The following POFUT2 variants were observed in gnomAD, a reference collection of about 807,000 sequenced individuals.
The protein encoded by POFUT2 is protein O-fucosyltransferase 2.
In POFUT2, 30 loss-of-function variants were observed where a neutral mutation model predicts 55.0. That is an observed-to-expected ratio of 0.55 (90% confidence interval 0.41 to 0.74). POFUT2 has a LOEUF of 0.74. POFUT2 is among the 30% of genes least tolerant of loss of function. The pLI is 0.00. For missense variants in POFUT2, 524 were observed against 562.6 expected (o/e 0.93, Z 0.69); for synonymous variants, 267 against 231.1 (o/e 1.16, Z -1.41).
intron 6 of POFUT2, among the ~76,000 whole-genome samples, chr21:45,276,260 G>T (rs187941114): frequency 0.011 from 1,706 of 150,532 alleles, 34 homozygotes; most frequent in African/African-American, 0.038. Flanking sequence ...AAAAAACACT[G>T]AAAAGAAACA....
chr21:45,266,952 C>T (rs762114190), intron 8 of POFUT2: 97 of 1,025,906 alleles, frequency 9.5e-5, no homozygotes, highest in Non-Finnish European at 1.1e-4. Context: ...GAACAGAGGC[C>T]CAGGCGTACC....
intron 6 of POFUT2, among the ~76,000 whole-genome samples, chr21:45,276,440 A>C (rs1167300675): frequency 1.3e-5 from 2 of 152,230 alleles, no homozygotes; most frequent in Non-Finnish European, 2.9e-5. Context: ...TTTTGTTTAA[A>C]AAACGCTAAA....
chr21:45,283,677 C>CAG, intron 2 of POFUT2, 150 bp from the exon 3 acceptor site: 1 of 799,980 alleles, frequency 1.3e-6, no homozygotes, highest in South Asian at 1.6e-5. Context: ...AGAGACAGGG[C>CAG]AGAGCACATG....
In POFUT2 at chr21:45,270,631, C is replaced by T. The variant is rs2093210733; in HGVS notation, c.832-612G>A. On this transcript the variant is annotated intron_variant, in intron 6 of 8. Transcript: ENST00000349485. The surrounding 1 kb of genome is among the most constrained non-coding windows in gnomAD (Gnocchi z 4.6). ...CACTCAACAAAACTACAACCAAGGA[C>T]CCCCCCAGAGTCCACTTCACTCCCC... 6.6e-6 allele frequency among the ~76,000 whole-genome samples: 1 copy of T among 152,046 alleles called. No individual in the cohort carries two copies. The highest frequency in any genetic ancestry group is 6.6e-5 in the Admixed American group (1 of 15,266).
rs558911530 is a variant in POFUT2 at position 45,277,953 on chromosome 21, C to T, written c.705+150G>A. The T allele has an allele frequency of 5.4e-6, 4 of 745,946 alleles. No homozygotes were observed. Among genetic ancestry groups the T allele is most frequent in the East Asian group, 2.5e-5 (1 of 40,254 alleles). The allele number at this position is 745,946 out of a possible 1,614,324, so 46.2% of individuals were successfully genotyped here. The stretch of plus-strand genomic sequence containing the variant: ...AGCCACGTGAGGCTTGGGGGTGGCA[C>T]AGTCACCGCAGTTGCCCAAATCCAT... On this transcript the variant is annotated intron_variant, in intron 5 of 8. Coordinates refer to ENST00000349485, the MANE Select transcript of POFUT2 (RefSeq NM_133635.6). The surrounding 1 kb of genome is among the most constrained non-coding windows in gnomAD (Gnocchi z 6.9).
Position 45,278,162 on chromosome 21 carries a change from T to G in POFUT2, c.646A>C (p.Met216Leu). Residue 216 changes from methionine to leucine, a missense_variant, in exon 5 of 9, where the codon ATG becomes CTG. By Grantham distance (15) the Met-to-Leu change is conservative. This residue lies in a region of POFUT2 where 250 missense variants were observed against 318.2 expected (regional missense o/e 0.79). Transcript: ENST00000349485. ...AGTAGGTTCTCGGCTCTGTCTAACA[T>G]CACGGACCTGTTTTTAAACAACAGA... ...LLRNTSARSV[M>L]LDRAENLLHD... The G allele has an allele frequency of 6.2e-7, 1 of 1,612,188 alleles. No individual in the cohort carries two copies. The highest frequency in any genetic ancestry group is 8.5e-7 in the Non-Finnish European group (1 of 1,178,338).
chr21:45,268,648 T>A (rs1235923815), intron 7 of POFUT2, among the ~76,000 whole-genome samples: 3 of 144,142 alleles, frequency 2.1e-5, no homozygotes, highest in East Asian at 2.2e-4. Context: ...CCATCTGGGA[T>A]GTGAGGAGCG....
intron 6 of POFUT2, among the ~76,000 whole-genome samples, chr21:45,275,100 CA>C (rs2093251032): frequency 6.6e-6 from 1 of 152,090 alleles, no homozygotes; most frequent in African/African-American, 2.4e-5. Context: ...ATAATCCCAT[CA>C]AAACATAGGC....
rs1350490445 is a variant in POFUT2 at position 45,268,878 on chromosome 21, G to A, written c.1012+961C>T. Among the ~76,000 whole-genome samples, 5 of 98,532 alleles carry A rather than the reference G, an allele frequency of 5.1e-5. 1 individual carries two copies. Among genetic ancestry groups the A allele is most frequent in the Admixed American group, 9.1e-5 (1 of 10,990 alleles). 64.6% of individuals were successfully genotyped at this position (98,532 alleles called of 152,430 possible). Reference sequence around the variant, plus strand: ...AGGGAGGTGGGGGGGTCAGCACCCCGGGCGGCCAGCCGCCCCGTCCGGGAG... The same window carrying A: ...AGGGAGGTGGGGGGGTCAGCACCCCAGGCGGCCAGCCGCCCCGTCCGGGAG... On this transcript the variant is annotated intron_variant, in intron 7 of 8. Coordinates refer to ENST00000349485, the MANE Select transcript of POFUT2 (RefSeq NM_133635.6).
chr21:45,269,275 G>A (rs555831478), intron 7 of POFUT2, among the ~76,000 whole-genome samples: 32 of 152,056 alleles, frequency 2.1e-4, no homozygotes, highest in South Asian at 1.2e-3. Context: ...CCACCACCCC[G>A]TCTGGGAGGG....
intron 3 of POFUT2, 60 bp downstream of exon 3, chr21:45,283,323 G>A: frequency 1.5e-5 from 9 of 585,694 alleles, no homozygotes; most frequent in Admixed American, 6.7e-5. Flanking sequence ...GGGGGGGGAC[G>A]CATGCGGCAG....
chr21:45,269,246 G>A (rs1220211725), intron 7 of POFUT2, among the ~76,000 whole-genome samples: 7 of 149,774 alleles, frequency 4.7e-5, no homozygotes, highest in East Asian at 2.0e-4. Context: ...ACTGGGAAGT[G>A]AAGAGCCCCT....
chr21:45,279,650 G>C (rs1424519161), intron 4 of POFUT2, among the ~76,000 whole-genome samples: 1 of 152,162 alleles, frequency 6.6e-6, no homozygotes, highest in Non-Finnish European at 1.5e-5. Context: ...GGGACTCTGA[G>C]GACTGCACCA....
At position 45,270,128 on chromosome 21, in the gene POFUT2, T is replaced by A. The variant is rs1438098755; in HGVS notation, c.832-109A>T. Reference sequence around the variant, plus strand: ...GAGGGATGACCCTTTCCATGTGGCCTCCTCCACGGGGTGGCTCCAGGGCTG... The same window carrying A: ...GAGGGATGACCCTTTCCATGTGGCCACCTCCACGGGGTGGCTCCAGGGCTG... On this transcript the variant is annotated intron_variant, in intron 6 of 8. Transcript: ENST00000349485. This position sits in a 1 kb window ranked among gnomAD's most constrained non-coding sequence, Gnocchi z 4.6. The A allele has an allele frequency of 2.5e-6, 2 of 803,952 alleles. No homozygotes were observed. The highest frequency in any genetic ancestry group is 3.7e-5 in the Admixed American group (1 of 26,690). 49.8% of individuals were successfully genotyped at this position (803,952 alleles called of 1,614,324 possible).
In POFUT2 at chr21:45,285,427, G is replaced by T. The variant is rs1455246739; in HGVS notation, c.382+251C>A. The T allele has an allele frequency of 7.7e-6, 4 of 519,180 alleles. No individual in the cohort carries two copies. Among genetic ancestry groups the T allele is most frequent in the Non-Finnish European group, 7.3e-6 (2 of 275,722 alleles). The allele number at this position is 519,180 out of a possible 1,614,324, so 32.2% of individuals were successfully genotyped here. A position where few individuals can be genotyped will look rare whatever the true frequency, so the allele number is the denominator to read the frequency against. On this transcript the variant is annotated intron_variant, in intron 2 of 8. Transcript: ENST00000349485. This position sits in a 1 kb window ranked among gnomAD's most constrained non-coding sequence, Gnocchi z 4.9. ...AGGGTGTAAGGGCGGCTCTAACTGA[G>T]GGGGCACAAAGCTCATCCACTTCAG...
chr21:45,274,630 GCAGAAGAGAACC>G (rs1293812437), intron 6 of POFUT2, among the ~76,000 whole-genome samples: 1 of 152,126 alleles, frequency 6.6e-6, no homozygotes, highest in Non-Finnish European at 1.5e-5. Context: ...GACCAGTGGA[GCAGAAGAGAACC>G]CAGAAATAAA....
Position 45,281,207 on chromosome 21 carries a change from G to T in POFUT2, c.638+1142C>A, listed in dbSNP as rs114377456. On this transcript the variant is annotated intron_variant, in intron 4 of 8. Coordinates refer to ENST00000349485, the MANE Select transcript of POFUT2 (RefSeq NM_133635.6). The surrounding 1 kb of genome is among the most constrained non-coding windows in gnomAD (Gnocchi z 5.0). ...GTTTCTCCTAAATCAGGACCATCTAGTTGGAAGCCCCCTCTGGGCTCAGCT... is the reference window on the plus strand; with the variant it reads ...GTTTCTCCTAAATCAGGACCATCTATTTGGAAGCCCCCTCTGGGCTCAGCT... Among the ~76,000 whole-genome samples, 1 of 152,152 alleles carries T rather than the reference G, an allele frequency of 6.6e-6. No individual in the cohort carries two copies. The highest frequency in any genetic ancestry group is 1.5e-5 in the Non-Finnish European group (1 of 68,038).
At chr21:45,283,888 G>A (rs900764676) in intron 2 of POFUT2, among the ~76,000 whole-genome samples, 6 of 152,126 alleles carry the variant, frequency 3.9e-5, no homozygotes, top group South Asian at 2.1e-4. Context: ...CTCGCCCTCC[G>A]GCCCTCTGTG....
chr21:45,267,182 G>T lies in POFUT2; in HGVS notation c.1136+408C>A. 7.5e-7 allele frequency: 1 copy of T among 1,338,772 alleles called. No individual in the cohort carries two copies. The highest frequency in any genetic ancestry group is 9.6e-7 in the Non-Finnish European group (1 of 1,040,512). 82.9% of individuals were successfully genotyped at this position (1,338,772 alleles called of 1,614,324 possible). A position where few individuals can be genotyped will look rare whatever the true frequency, so the allele number is the denominator to read the frequency against. ...CGAGAATGATCACACGAGGGCCCAC[G>T]CTCCCGGCCTCGGGGACGCTCACGG... is the stretch of plus-strand genomic sequence containing the variant. On this transcript the variant is annotated intron_variant, in intron 8 of 8. Coordinates refer to ENST00000349485, the MANE Select transcript of POFUT2 (RefSeq NM_133635.6). The surrounding 1 kb of genome is among the most constrained non-coding windows in gnomAD (Gnocchi z 4.4).
Sources: gnomAD v4.1 joint callset for allele counts (sites outside exome capture counted in the v4.1 genomes callset) on GRCh38, gnomAD v4.1.1 for gene constraint, gnomAD v4.1.1 regional missense constraint, Gnocchi (gnomAD v3.1) non-coding constraint, MANE v1.5 for transcripts, NCBI Gene and HGNC (gene_info 2026-07-23, HGNC 2026-07-21) for gene names.